The following CEP63 variants were observed in gnomAD, a reference collection of about 807,000 sequenced individuals.
The protein encoded by CEP63 is centrosomal protein 63.
A neutral mutation model predicts 89.1 loss-of-function variants in CEP63; 84 were observed. That is an observed-to-expected ratio of 0.94 (90% CI 0.79 to 1.13). CEP63 has a LOEUF of 1.13. CEP63 is among the 50% of genes most tolerant of loss of function. CEP63 has a pLI of 0.00. For missense variants in CEP63, 838 were observed against 813.3 expected, an observed-to-expected ratio of 1.03 and a Z score of -0.37; for synonymous variants, 267 against 272.5, an observed-to-expected ratio of 0.98 and a Z score of 0.20.
At chr3:134,749,452 G>T in the CEP63 span, among the ~76,000 whole-genome samples, 1 of 152,036 alleles carries the variant, frequency 6.6e-6, no homozygotes, top group African/African-American at 2.4e-5. Flanking sequence ...AGAGCCAAAA[G>T]AGCCTGAACC....
rs994356456 is a variant in CEP63 at position 134,486,220 on chromosome 3, C to T, written c.-26+18C>T. ...GGCCCGAGGTAACGGCGGGAAGGCT[C>T]AGGGGCGTGCTTGCGGCAACCCTGT... On this transcript the variant is annotated intron_variant, in intron 1 of 14. Coordinates refer to ENST00000675561, the MANE Select transcript of CEP63 (RefSeq NM_001353108.3). The T allele has an allele frequency of 4.1e-6, 4 of 985,644 alleles. No homozygotes were observed. The highest frequency in any genetic ancestry group is 6.1e-5 in the Admixed American group (1 of 16,274). The allele number at this position is 985,644 out of a possible 1,614,324, so 61.1% of individuals were successfully genotyped here.
At chr3:134,761,046 T>A in the CEP63 span, among the ~76,000 whole-genome samples, 2 of 151,822 alleles carry the variant, frequency 1.3e-5, no homozygotes, top group South Asian at 2.1e-4. Context: ...GGCTGAGGAA[T>A]CTTTTTTGCT....
In CEP63 at chr3:134,489,310, C is replaced by T. The variant is rs149124085; in HGVS notation, c.-26+3108C>T. On this transcript the variant is annotated intron_variant, in intron 1 of 14. Transcript: ENST00000675561. ...CAGAAAGTTGTATTGAACAGCACTG[C>T]TCTAGAAGCCTGATGAGATTTCACC... Among the ~76,000 whole-genome samples the T allele has an allele frequency of 3.9e-5, 6 of 152,218 alleles. 1 individual carries two copies. Among genetic ancestry groups the T allele is most frequent in the African/African-American group, 1.4e-4 (6 of 41,532 alleles).
At chr3:134,578,133 C>T (rs1374677428), downstream of CEP63, among the ~76,000 whole-genome samples, 1 of 152,068 alleles carries the variant, frequency 6.6e-6, no homozygotes, top group Admixed American at 6.6e-5. Context: ...TGAGCGTATA[C>T]CTAGTAATGG....
At chr3:134,664,412 A>C in the CEP63 span, among the ~76,000 whole-genome samples, 1 of 152,186 alleles carries the variant, frequency 6.6e-6, no homozygotes, top group African/African-American at 2.4e-5. Flanking sequence ...ACCTGAACCT[A>C]GGACACAAGC....
the CEP63 span, among the ~76,000 whole-genome samples, chr3:134,752,688 G>A: frequency 6.6e-6 from 1 of 152,342 alleles, no homozygotes; most frequent in Admixed American, 6.5e-5. Context: ...GCCAGGACAA[G>A]GGAGAGGTAC....
At chr3:134,766,048 A>T in the CEP63 span, among the ~76,000 whole-genome samples, 1 of 152,362 alleles carries the variant, frequency 6.6e-6, no homozygotes, top group African/African-American at 2.4e-5. Flanking sequence ...AAATATATTT[A>T]TCAACACAAC....
chr3:134,706,785 C>T, the CEP63 span, among the ~76,000 whole-genome samples: 4 of 152,186 alleles, frequency 2.6e-5, no homozygotes, highest in South Asian at 2.1e-4. Context: ...GAATCTGTTC[C>T]AAGCCTCCTT....
chr3:134,672,033 T>C, the CEP63 span, among the ~76,000 whole-genome samples: 1 of 152,106 alleles, frequency 6.6e-6, no homozygotes, highest in Admixed American at 6.5e-5. Flanking sequence ...CCTCAACAAG[T>C]GTGTAGGGTG....
the CEP63 span, among the ~76,000 whole-genome samples, chr3:134,615,670 G>T: frequency 2.7e-5 from 4 of 150,284 alleles, no homozygotes; most frequent in East Asian, 1.9e-4. Context: ...TATAAGGGTG[G>T]GGGAGCTAAG....
At chr3:134,675,126 A>G in the CEP63 span, among the ~76,000 whole-genome samples, 2 of 152,244 alleles carry the variant, frequency 1.3e-5, no homozygotes, top group East Asian at 1.9e-4. Flanking sequence ...CATACTTTAC[A>G]GTTCAAAACT....
rs922786807 is a variant in CEP63 at position 134,495,227 on chromosome 3, A to G, written c.-25-69A>G. On this transcript the variant is annotated intron_variant, in intron 1 of 14. Coordinates refer to ENST00000675561, the MANE Select transcript of CEP63 (RefSeq NM_001353108.3). ...ATGTATGCTTTCATTCACATTCTTA[A>G]GTTGTAAGTTAGAATGTTAGAACTG... The G allele has an allele frequency of 2.2e-5, 24 of 1,077,566 alleles. No individual in the cohort carries two copies. In the African/African-American group the frequency reaches 3.4e-4, roughly 15 times the overall value. 66.8% of individuals were successfully genotyped at this position (1,077,566 alleles called of 1,614,324 possible).
chr3:134,698,254 G>A, the CEP63 span, among the ~76,000 whole-genome samples: 1 of 152,196 alleles, frequency 6.6e-6, no homozygotes, highest in Non-Finnish European at 1.5e-5. Context: ...TCTAGGGCTT[G>A]GTAGGATAGC....
rs759572830 is a variant in CEP63, at chr3:134,532,800, A to G, written c.341A>G (p.Tyr114Cys). ...HEELCILKRS[Y>C]EKLQKKQMRE... ...CAGTTATGCATACTGAAGAGAAGCT[A>G]TGAAAAGCTTCAGAAAAAGCAAATG... Residue 114 changes from tyrosine (Y) to cysteine (C), a missense_variant, in exon 5 of 15, where the codon TAT (tyrosine) becomes TGT (cysteine). Tyr to Cys is a radical substitution (Grantham distance 194, BLOSUM62 -2). Transcript: ENST00000675561. 4 of 1,602,914 alleles carry G rather than the reference A, an allele frequency of 2.5e-6. No individual in the cohort carries two copies. Among genetic ancestry groups the G allele is most frequent in the African/African-American group, 1.3e-5 (1 of 74,834 alleles).
the CEP63 span, among the ~76,000 whole-genome samples, chr3:134,689,328 A>C: frequency 6.6e-6 from 1 of 152,224 alleles, no homozygotes; most frequent in South Asian, 2.1e-4. Context: ...AGATGTCAGC[A>C]GGTAGCAAGA....
chr3:134,732,744 T>A, the CEP63 span, among the ~76,000 whole-genome samples: 2 of 152,122 alleles, frequency 1.3e-5, no homozygotes, highest in East Asian at 3.8e-4. Flanking sequence ...AACTTAAAAC[T>A]GTTTCCAAGA....
At chr3:134,739,088 C>G in the CEP63 span, among the ~76,000 whole-genome samples, 1 of 151,928 alleles carries the variant, frequency 6.6e-6, no homozygotes, top group East Asian at 1.9e-4. Context: ...GGGACTTTCT[C>G]AATAGGTTAA....
the CEP63 span, among the ~76,000 whole-genome samples, chr3:134,652,305 G>A: frequency 1.3e-5 from 2 of 152,180 alleles, no homozygotes; most frequent in African/African-American, 2.4e-5. Context: ...AGGGAAAGAT[G>A]GAGTGACAAG....
chr3:134,634,788 G>C, the CEP63 span, among the ~76,000 whole-genome samples: 3 of 152,236 alleles, frequency 2.0e-5, no homozygotes, highest in African/African-American at 4.8e-5. Flanking sequence ...GGTTTCTGCA[G>C]GGACGACTGT....
Sources: gnomAD v4.1 joint callset for allele counts (sites outside exome capture counted in the v4.1 genomes callset) on GRCh38, gnomAD v4.1.1 for gene constraint, MANE v1.5 for transcripts, NCBI Gene and HGNC (gene_info 2026-07-23, HGNC 2026-07-21) for gene names.